Variants in HAT1 observed in about 807,000 individuals in gnomAD.
HAT1 encodes the protein histone acetyltransferase 1.
In HAT1, 20 loss-of-function variants were observed where a neutral mutation model predicts 56.6. The observed-to-expected ratio is 0.35, with a 90% CI of 0.25 to 0.51. The LOEUF (loss-of-function observed/expected upper bound fraction) is 0.51. Among genes scored for constraint, HAT1 ranks in the 20% least tolerant of loss-of-function variants. The probability of loss-of-function intolerance (pLI) is 0.95; values close to 1 mark genes in which losing one functional copy is unlikely to be tolerated. For missense variants in HAT1, 408 were observed against 504.3 expected (o/e 0.81, Z 1.83); for synonymous variants, 146 against 165.5 (o/e 0.88, Z 0.91).
intron 10 of HAT1, chr2:171,980,485 C>T (rs1476023021): frequency 1.3e-5 from 2 of 152,038 alleles, no homozygotes; most frequent in Non-Finnish European, 2.9e-5. Flanking sequence ...CCATATTTTC[C>T]CTCCTAGATC....
intron 9 of HAT1, among the ~76,000 whole-genome samples, chr2:171,978,876 G>C (rs981854644): frequency 5.9e-5 from 9 of 151,528 alleles, no homozygotes; most frequent in Non-Finnish European, 1.2e-4. Context: ...GCTTGAAGCT[G>C]GGAGTTGAAG....
At chr2:171,975,137 C>T (rs1440673754) in intron 8 of HAT1, among the ~76,000 whole-genome samples, 3 of 149,200 alleles carry the variant, frequency 2.0e-5, no homozygotes, top group Non-Finnish European at 4.4e-5. Flanking sequence ...TGGAGTCTCA[C>T]TCTGTTGCCC....
chr2:171,979,252 C>G lies in HAT1; in HGVS notation c.981C>G (p.His327Gln). The stretch of plus-strand genomic sequence containing the variant: ...TTTCTTTTGTTTCATTCTAGCAACA[C>G]GCTAGAAGGGTTTATGAAATTCTTC... ...AQQKFKINKQHARRVYEILRL... is the reference protein window; with the variant it reads ...AQQKFKINKQQARRVYEILRL... Residue 327 changes from histidine to glutamine, a missense_variant, in exon 10 of 11, where the codon CAC becomes CAG. Transcript: ENST00000264108. 2 of 1,497,178 alleles carry G rather than the reference C, an allele frequency of 1.3e-6. No homozygotes were observed. The highest frequency in any genetic ancestry group is 1.8e-6 in the Non-Finnish European group (2 of 1,090,626). The allele number at this position is 1,497,178 out of a possible 1,614,324, so 92.7% of individuals were successfully genotyped here. A position where few individuals can be genotyped will look rare whatever the true frequency, so the allele number is the denominator to read the frequency against.
At chr2:171,980,397 C>T (rs1688103190) in intron 10 of HAT1, 1 of 152,098 alleles carries the variant, frequency 6.6e-6, no homozygotes, top group Non-Finnish European at 1.5e-5. Context: ...TTGTACTTTA[C>T]CATAGCCGAA....
At chr2:171,936,734 A>T (rs1482788571) in intron 2 of HAT1, among the ~76,000 whole-genome samples, 1 of 152,186 alleles carries the variant, frequency 6.6e-6, no homozygotes, top group East Asian at 1.9e-4. Context: ...TTTTAAAATT[A>T]TATAATTAAG....
intron 2 of HAT1, among the ~76,000 whole-genome samples, chr2:171,926,447 C>G (rs1686595060): frequency 6.6e-6 from 1 of 152,206 alleles, no homozygotes; most frequent in African/African-American, 2.4e-5. Flanking sequence ...GCATGCGCCA[C>G]CACGCCCGGC....
chr2:171,982,866 A>G (rs1433519159), intron 10 of HAT1, among the ~76,000 whole-genome samples: 1 of 152,172 alleles, frequency 6.6e-6, no homozygotes. Flanking sequence ...TCTATCTATT[A>G]AGCAAATATT....
chr2:171,966,070 C>G, intron 6 of HAT1, 162 bp downstream of exon 6: 1 of 649,756 alleles, frequency 1.5e-6, no homozygotes, highest in African/African-American at 1.8e-5. Context: ...CTTTGGGAGA[C>G]CTTGAGAATA....
intron 8 of HAT1, among the ~76,000 whole-genome samples, chr2:171,974,508 TTGTC>T (rs1014649659): frequency 6.6e-6 from 1 of 152,226 alleles, no homozygotes; most frequent in Admixed American, 6.5e-5. Context: ...CAGGATCACA[TTGTC>T]TGTAAATAAA....
intron 9 of HAT1, among the ~76,000 whole-genome samples, chr2:171,977,191 T>C (rs1177834554): frequency 8.2e-6 from 1 of 122,582 alleles, no homozygotes; most frequent in African/African-American, 3.1e-5. Context: ...AAGAAATTTG[T>C]GTAGGCCGGG....
At chr2:171,931,680 G>A (rs1558962457) in intron 2 of HAT1, among the ~76,000 whole-genome samples, 1 of 152,062 alleles carries the variant, frequency 6.6e-6, no homozygotes, top group Non-Finnish European at 1.5e-5. Context: ...TCTCGGGGGG[G>A]AAAAACAGCC....
intron 3 of HAT1, among the ~76,000 whole-genome samples, chr2:171,951,861 A>G (rs572801333): frequency 9.9e-5 from 15 of 152,278 alleles, no homozygotes; most frequent in African/African-American, 3.4e-4. Context: ...CCTGAACTGT[A>G]TGACCCAAGC....
At chr2:171,951,857 C>G (rs78845256) in intron 3 of HAT1, among the ~76,000 whole-genome samples, 1 of 152,140 alleles carries the variant, frequency 6.6e-6, no homozygotes, top group Admixed American at 6.6e-5. Context: ...TATCCCTGAA[C>G]TGTATGACCC....
intron 8 of HAT1, among the ~76,000 whole-genome samples, chr2:171,974,723 A>G (rs922588264): frequency 2.0e-5 from 3 of 152,228 alleles, no homozygotes; most frequent in East Asian, 1.9e-4. Context: ...TGTGTTAATT[A>G]TGAAATTGAG....
At chr2:171,953,094 C>T (rs376976159) in intron 4 of HAT1, 93 bp downstream of exon 4, 4 of 727,182 alleles carry the variant, frequency 5.5e-6, no homozygotes, top group South Asian at 2.7e-5. Flanking sequence ...CCTGTAACCC[C>T]AGCAGTTTGG....
intron 4 of HAT1, among the ~76,000 whole-genome samples, chr2:171,959,798 T>C (rs574694256): frequency 6.6e-6 from 1 of 152,288 alleles, no homozygotes; most frequent in East Asian, 1.9e-4. Context: ...AACAAAATAG[T>C]AAATACACAA....
intron 2 of HAT1, among the ~76,000 whole-genome samples, chr2:171,936,801 T>TA (rs1686883822): frequency 6.6e-6 from 1 of 152,150 alleles, no homozygotes; most frequent in Admixed American, 6.5e-5. Flanking sequence ...ATGCTAAGAT[T>TA]TCAGTTATTT....
At chr2:171,948,175 C>G (rs1687218708) in intron 3 of HAT1, among the ~76,000 whole-genome samples, 1 of 152,110 alleles carries the variant, frequency 6.6e-6, no homozygotes, top group Admixed American at 6.5e-5. Flanking sequence ...TTTCTTTTCA[C>G]TATGTATTTC....
At chr2:171,945,344 G>A (rs1687131990) in intron 2 of HAT1, among the ~76,000 whole-genome samples, 3 of 152,100 alleles carry the variant, frequency 2.0e-5, no homozygotes, top group South Asian at 2.1e-4. Context: ...AATTGAAGTC[G>A]AGGGTACAGA....
Sources: allele counts gnomAD v4.1 joint callset (sites outside exome capture counted in the v4.1 genomes callset), GRCh38; gene constraint gnomAD v4.1.1; transcripts MANE v1.5; gene names NCBI Gene and HGNC (gene_info 2026-07-23, HGNC 2026-07-21).